Variants in LRRK2 observed in about 807,000 individuals in gnomAD.
The protein encoded by LRRK2 is leucine-rich repeat serine/threonine-protein kinase 2.
Under a neutral mutation model 302.6 loss-of-function variants are expected in LRRK2, and 203 were observed. The ratio of observed to expected loss-of-function variants is 0.67; its 90% CI spans 0.60 to 0.75. The LOEUF is 0.75. LRRK2 is among the 30% of genes least tolerant of loss of function. The pLI is 0.00. For synonymous variants in LRRK2, 1,066 were observed against 1,031.9 expected, an observed-to-expected ratio of 1.03 and a Z score of -0.63; for missense variants, 2,830 against 2,951.0, an observed-to-expected ratio of 0.96 and a Z score of 0.95.
At chr12:40,292,885 A>G (rs1944214162) in intron 20 of LRRK2, among the ~76,000 whole-genome samples, 1 of 151,990 alleles carries the variant, frequency 6.6e-6, no homozygotes, top group Non-Finnish European at 1.5e-5. Flanking sequence ...TTATTTTATA[A>G]AACAATTATT....
chr12:40,277,771 C>A, intron 16 of LRRK2, 117 bp from the exon 17 acceptor site: 1 of 948,852 alleles, frequency 1.1e-6, no homozygotes, highest in South Asian at 1.5e-5. Context: ...CCCAATATAT[C>A]TATAGTTAAA....
chr12:40,278,286 G>C, intron 18 of LRRK2, 25 bp downstream of exon 18: 3 of 1,613,672 alleles, frequency 1.9e-6, no homozygotes, highest in South Asian at 2.2e-5. Flanking sequence ...CCTCACTTTT[G>C]TCTTTGCTCA....
Position 40,348,432 on chromosome 12 carries a change from G to GC in LRRK2, c.6308dup (p.Trp2104MetfsTer5). The GC allele has an allele frequency of 1.2e-6, 2 of 1,611,600 alleles. No individual in the cohort carries two copies. The highest frequency in any genetic ancestry group is 1.7e-6 in the Non-Finnish European group (2 of 1,178,088). ...AGATCCAGTTAAAGAATATGGTTGT[G>GC]CCCCATGGCCTATGGTTGAGAAATT... On this transcript the variant is annotated frameshift_variant, in exon 43 of 51. Coordinates refer to ENST00000298910, the MANE Select transcript of LRRK2 (RefSeq NM_198578.4). LOFTEE classifies it high-confidence loss of function.
intron 20 of LRRK2, among the ~76,000 whole-genome samples, chr12:40,293,110 TA>T (rs149289761): frequency 0.029 from 4,353 of 152,022 alleles, 224 homozygotes; most frequent in African/African-American, 0.096. Context: ...GCGGTCTCCA[TA>T]AAAAAAATTC....
chr12:40,367,144 G>A (rs1946902716), intron 50 of LRRK2, 67 bp downstream of exon 50: 1 of 1,239,662 alleles, frequency 8.1e-7, no homozygotes, highest in African/African-American at 1.5e-5. Context: ...CATATTATGT[G>A]TTTCATAAAT....
At chr12:40,249,281 G>A (rs975982514) in intron 7 of LRRK2, among the ~76,000 whole-genome samples, 7 of 151,338 alleles carry the variant, frequency 4.6e-5, no homozygotes, top group South Asian at 4.2e-4. Context: ...AAAGGTATGG[G>A]ACTTCTTCCT....
rs547545792 is a variant in LRRK2, at chr12:40,293,467, G to A, written c.2690-78G>A. The A allele has an allele frequency of 3.6e-4, 320 of 884,430 alleles. No homozygotes were observed. The African/African-American group carries it at 4.7e-3, about 13-fold the overall frequency. 54.8% of individuals were successfully genotyped at this position (884,430 alleles called of 1,614,324 possible). On this transcript the variant is annotated intron_variant, in intron 20 of 50. Transcript: ENST00000298910. ...AAAATAGGTCTAATCTTCCATGATT[G>A]AACTATGATAGAAGGATCTTATGAT...
In LRRK2 at chr12:40,356,230, T is replaced by C. The variant is rs200683461; in HGVS notation, c.6843+43T>C. 1.1e-4 allele frequency: 156 copies of C among 1,400,320 alleles called. 1 individual carries two copies. In the African/African-American group the frequency reaches 1.7e-3, roughly 15 times the overall value. The allele number at this position is 1,400,320 out of a possible 1,614,324, so 86.7% of individuals were successfully genotyped here. A position where few individuals can be genotyped will look rare whatever the true frequency, so the allele number is the denominator to read the frequency against. The stretch of plus-strand genomic sequence containing the variant: ...TCTACATCTAAATTTATTTTAAGTC[T>C]TTTGTTTTATATATATCTCACACCC... On this transcript the variant is annotated intron_variant, in intron 46 of 50. Transcript: ENST00000298910.
chr12:40,322,222 A>T lies in LRRK2; in HGVS notation c.5317+41A>T, dbSNP rs780038214. ...TGAATGTTTTCAATTGCAACACTAA[A>T]GAAATTTAAACTTAAAAAAAAAAAA... On this transcript the variant is annotated intron_variant, in intron 36 of 50. Coordinates refer to ENST00000298910, the MANE Select transcript of LRRK2 (RefSeq NM_198578.4). 1.9e-6 allele frequency: 3 copies of T among 1,584,708 alleles called. No individual in the cohort carries two copies. In the South Asian group the frequency reaches 3.5e-5, roughly 18 times the overall value.
intron 44 of LRRK2, among the ~76,000 whole-genome samples, chr12:40,353,638 G>C (rs191038032): frequency 3.6e-4 from 55 of 152,336 alleles, no homozygotes; most frequent in Non-Finnish European, 5.4e-4. Context: ...CAGGCGGCTG[G>C]GAGGTGGAGG....
At chr12:40,347,596 C>G (rs569961167) in intron 42 of LRRK2, among the ~76,000 whole-genome samples, 1 of 152,208 alleles carries the variant, frequency 6.6e-6, no homozygotes, top group African/African-American at 2.4e-5. Flanking sequence ...CAAAAGAAAA[C>G]TTATTATTAA....
chr12:40,248,821 G>A (rs1174623096), intron 7 of LRRK2, among the ~76,000 whole-genome samples: 1 of 152,090 alleles, frequency 6.6e-6, no homozygotes, highest in Non-Finnish European at 1.5e-5. Flanking sequence ...AGACTGATGG[G>A]GACAACCCAA....
Position 40,314,042 on chromosome 12 carries a change from C to G in LRRK2, c.4607C>G (p.Ser1536Trp). 1.2e-6 allele frequency: 2 copies of G among 1,612,398 alleles called. No homozygotes were observed. Among genetic ancestry groups the G allele is most frequent in the Non-Finnish European group, 1.7e-6 (2 of 1,178,946 alleles). The change falls in exon 32 of 51, where the codon TCG becomes TGG. Residue 1536 changes from serine (S) to tryptophan (W), a missense_variant. Physicochemically the swap from Ser to Trp is radical, Grantham distance 177. This residue lies in a region of LRRK2 where 2,121 missense variants were observed against 2,148.0 expected (regional missense o/e 0.99). Coordinates refer to ENST00000298910, the MANE Select transcript of LRRK2 (RefSeq NM_198578.4). ...CYVELEKIIL[S>W]ERKNVPIEFP... is the part of the protein sequence containing the mutation. ...GTAGAACTTGAAAAAATCATTTTATCGGAGCGTAAAAATGTGCCAATTGAA... is the reference window on the plus strand; with the variant it reads ...GTAGAACTTGAAAAAATCATTTTATGGGAGCGTAAAAATGTGCCAATTGAA...
At chr12:40,235,495 C>A in intron 3 of LRRK2, 131 bp from the exon 4 acceptor site, 1 of 682,558 alleles carries the variant, frequency 1.5e-6, no homozygotes, top group Non-Finnish European at 2.6e-6. Context: ...GCAACAAAAA[C>A]ACATGAGCTT....
intron 42 of LRRK2, 101 bp downstream of exon 42, chr12:40,347,024 TC>T: frequency 2.3e-6 from 2 of 886,150 alleles, no homozygotes; most frequent in South Asian, 1.7e-5. Flanking sequence ...AAACAGATGA[TC>T]ATTTTTTTTG....
Position 40,321,181 on chromosome 12 carries a change from AG to A in LRRK2, c.5166del (p.Arg1723GlufsTer18). On this transcript the variant is annotated frameshift_variant, in exon 35 of 51. Transcript: ENST00000298910. LOFTEE classifies it high-confidence loss of function. Reference protein sequence around the residue: ...LLEISPYMLSGRERALRPNRM... With the variant: ...LLEISPYMLSXRERALRPNRM... The stretch of plus-strand genomic sequence containing the variant: ...TTGAGATTTCACCTTACATGCTTTC[AG>A]GGAGAGGTAAGTATCTAATGAAGAC... 6.2e-7 allele frequency: 1 copy of A among 1,611,608 alleles called. No individual in the cohort carries two copies. Among genetic ancestry groups the A allele is most frequent in the East Asian group, 2.2e-5 (1 of 44,790 alleles).
chr12:40,273,863 T>C (rs1319046571), intron 14 of LRRK2, among the ~76,000 whole-genome samples: 2 of 152,224 alleles, frequency 1.3e-5, no homozygotes, highest in African/African-American at 4.8e-5. Flanking sequence ...ATGAGTAGGA[T>C]GGCCTGGACA....
chr12:40,322,562 T>C (rs140262748), intron 37 of LRRK2, 52 bp downstream of exon 37: 44 of 1,487,470 alleles, frequency 3.0e-5, no homozygotes, highest in Middle Eastern at 2.1e-4. Flanking sequence ...TCAATACTTA[T>C]GAAGTGACTT....
chr12:40,276,787 A>G (rs1384424156), intron 16 of LRRK2, among the ~76,000 whole-genome samples: 1 of 152,164 alleles, frequency 6.6e-6, no homozygotes, highest in Non-Finnish European at 1.5e-5. Flanking sequence ...GATACTCAGC[A>G]TCATAAGAGT....
Sources: gnomAD v4.1 joint callset for allele counts (sites outside exome capture counted in the v4.1 genomes callset) on GRCh38, gnomAD v4.1.1 for gene constraint, gnomAD v4.1.1 regional missense constraint, MANE v1.5 for transcripts, NCBI Gene and HGNC (gene_info 2026-07-23, HGNC 2026-07-21) for gene names.